Variants in FTCD observed in about 807,000 individuals in gnomAD.
FTCD encodes formimidoyltransferase-cyclodeaminase.
Under a neutral mutation model 62.9 loss-of-function variants are expected in FTCD, and 76 were observed. The observed-to-expected ratio is 1.21, with a 90% CI of 1.00 to 1.46. The LOEUF is 1.46. FTCD is among the 40% of genes most tolerant of loss of function. The probability of loss-of-function intolerance (pLI) is 0.00; values close to 1 mark genes in which losing one functional copy is unlikely to be tolerated. For missense variants in FTCD, 845 were observed against 751.3 expected (o/e 1.12, Z -1.46); for synonymous variants, 397 against 336.9 (o/e 1.18, Z -1.95).
chr21:46,145,617 GA>G, intron 9 of FTCD, 39 bp from the exon 10 acceptor site: 4 of 1,484,024 alleles, frequency 2.7e-6, no homozygotes, highest in Non-Finnish European at 3.6e-6. Context: ...AGGGACCCCA[GA>G]CGGCCCGGGA....
At chr21:46,136,468 T>C, downstream of FTCD, 2 of 1,612,646 alleles carry the variant, frequency 1.2e-6, no homozygotes, top group Non-Finnish European at 1.7e-6. Flanking sequence ...CCTTCCAGCG[T>C]CGAAGGTCCT....
In FTCD at chr21:46,145,914, G is replaced by A; in HGVS notation, c.1002C>T (p.Gly334=). ...AGGCGCGCAGGGACTTGCTGCCCAGGCCTCGCTCAGGCCCGCGCTCAGGGA... is the reference window on the plus strand; with the variant it reads ...AGGCGCGCAGGGACTTGCTGCCCAGACCTCGCTCAGGCCCGCGCTCAGGGA... ...YLVPERGPER[G]LGSKSLRAFV... is the part of the protein sequence containing the mutation. The change falls in exon 9 of 14, where the codon GGC becomes GGT. Residue 334 remains glycine (G), a synonymous_variant. Transcript: ENST00000397746. 1 of 1,501,510 alleles carries A rather than the reference G, an allele frequency of 6.7e-7. No individual in the cohort carries two copies. The highest frequency in any genetic ancestry group is 8.8e-7 in the Non-Finnish European group (1 of 1,132,482). The allele number at this position is 1,501,510 out of a possible 1,614,324, so 93.0% of individuals were successfully genotyped here. A position where few individuals can be genotyped will look rare whatever the true frequency, so the allele number is the denominator to read the frequency against.
intron 2 of FTCD, among the ~76,000 whole-genome samples, chr21:46,153,935 G>T: frequency 6.6e-6 from 1 of 152,166 alleles, no homozygotes; most frequent in East Asian, 1.9e-4. Context: ...GGAGCGTGGC[G>T]ACCTGGGGGT....
rs911364543 is a variant in FTCD, at chr21:46,151,662, C to A, written c.532G>T (p.Ala178Ser). The change falls in exon 5 of 14, where the codon GCG becomes TCG. Residue 178 changes from alanine to serine, a missense_variant. Physicochemically the swap from Ala to Ser is moderately conservative, Grantham distance 99. Transcript: ENST00000397746. ...TTAAAAGCAATGAGGAACTTCCTCG[C>A]CCCCGTGGCCGTGGCCCCCCAACTG... ...VPSWGATATG[A>S]RKFLIAFNIN... 1.3e-5 allele frequency: 21 copies of A among 1,612,860 alleles called. No individual in the cohort carries two copies. In the Admixed American group the frequency reaches 3.2e-4, roughly 24 times the overall value.
intron 2 of FTCD, among the ~76,000 whole-genome samples, chr21:46,153,720 A>G (rs2079360062): frequency 6.6e-6 from 1 of 152,180 alleles, no homozygotes. Flanking sequence ...GTGTGTCCAC[A>G]CACCTTTGGC....
chr21:46,145,866 G>C lies in FTCD; in HGVS notation c.1050C>G (p.Arg350=), dbSNP rs138803850. 5.2e-3 allele frequency: 6,623 copies of C among 1,276,756 alleles called. 283 individuals are homozygous for C. The African/African-American group carries it at 0.13, about 24-fold the overall frequency. 79.1% of individuals were successfully genotyped at this position (1,276,756 alleles called of 1,614,324 possible). ...LRAFVGEVGA[R]SAAPGGGSVA... is the part of the protein sequence containing the mutation. ...CCGAGCCGCCCCCGGGGGCCGCAGAGCGGGCACCCACCTCCCCCACGAAGG... is the reference window on the plus strand; with the variant it reads ...CCGAGCCGCCCCCGGGGGCCGCAGACCGGGCACCCACCTCCCCCACGAAGG... The change falls in exon 9 of 14, where the codon CGC becomes CGG. Residue 350 remains arginine (R), a synonymous_variant. Transcript: ENST00000397746.
intron 2 of FTCD, 43 bp downstream of exon 2, chr21:46,154,106 C>T (rs2079370620): frequency 1.2e-6 from 2 of 1,600,072 alleles, no homozygotes; most frequent in African/African-American, 1.3e-5. Context: ...TCGGCCCTGA[C>T]ATTCTGAGAC....
chr21:46,138,553 C>A lies in FTCD; in HGVS notation c.1398G>T (p.Gln466His). The change falls in exon 12 of 14, where the codon CAG (glutamine) becomes CAT (histidine). Residue 466 changes from glutamine to histidine, a missense_variant. Gln to His is a conservative substitution (Grantham distance 24). Coordinates refer to ENST00000397746, the MANE Select transcript of FTCD (RefSeq NM_206965.2). ...CCAGGTTCCCACACCGGGCCAGTTC[C>A]TGCAGGGCCGGCCACAGCGAGGCCA... Reference protein sequence around the residue: ...ETVASLWPALQELARCGNLAC... With the variant: ...ETVASLWPALHELARCGNLAC... The A allele has an allele frequency of 1.3e-6, 2 of 1,587,360 alleles. No individual in the cohort carries two copies. The highest frequency in any genetic ancestry group is 1.7e-6 in the Non-Finnish European group (2 of 1,173,734).
chr21:46,138,234 G>C (rs751108356), intron 12 of FTCD, among the ~76,000 whole-genome samples: 3 of 152,194 alleles, frequency 2.0e-5, no homozygotes, highest in African/African-American at 7.2e-5. Flanking sequence ...GGTGATACAA[G>C]GGGTCTTGGG....
chr21:46,146,942 G>C (rs1400541803), intron 7 of FTCD: 1 of 152,840 alleles, frequency 6.5e-6, no homozygotes, highest in Non-Finnish European at 1.5e-5. Flanking sequence ...CCGTGGCATA[G>C]AACCAGCAAG....
At chr21:46,152,662 G>A (rs2079320286) in intron 3 of FTCD, 2 of 454,362 alleles carry the variant, frequency 4.4e-6, no homozygotes, top group Non-Finnish European at 7.8e-6. Flanking sequence ...TGGACTTTAA[G>A]GCTCTTGGTT....
intron 10 of FTCD, among the ~76,000 whole-genome samples, chr21:46,139,940 T>C (rs1488983569): frequency 6.6e-6 from 1 of 152,186 alleles, no homozygotes; most frequent in Non-Finnish European, 1.5e-5. Flanking sequence ...GGGTGTGCTT[T>C]AGGTGGCCTC....
At chr21:46,145,299 G>A (rs2079113171) in intron 10 of FTCD, 118 bp downstream of exon 10, 1 of 819,690 alleles carries the variant, frequency 1.2e-6, no homozygotes, top group South Asian at 1.7e-5. Context: ...GACGCCCTCA[G>A]GCCCCTCCTG....
chr21:46,142,710 C>A (rs550418093), intron 10 of FTCD: 3 of 152,288 alleles, frequency 2.0e-5, no homozygotes, highest in Non-Finnish European at 2.9e-5. Flanking sequence ...ACGGTTGGCG[C>A]TTGCTGGTTT....
chr21:46,136,384 G>C, downstream of FTCD: 1 of 1,547,644 alleles, frequency 6.5e-7, no homozygotes, highest in Non-Finnish European at 8.9e-7. Flanking sequence ...GACGGGAACT[G>C]AGGACAGGGC....
chr21:46,152,852 T>C, intron 3 of FTCD, 55 bp downstream of exon 3: 1 of 1,317,648 alleles, frequency 7.6e-7, no homozygotes, highest in Non-Finnish European at 1.0e-6. Context: ...AAGGAGCCAA[T>C]AACCCACACC....
chr21:46,142,151 C>T (rs1030200477), intron 10 of FTCD: 9 of 152,292 alleles, frequency 5.9e-5, no homozygotes, highest in South Asian at 2.1e-4. Flanking sequence ...AGCGTCTACA[C>T]CTCCCTGCAA....
chr21:46,154,203 C>A lies in FTCD; in HGVS notation c.184G>T (p.Ala62Ser). ...VGPPECVVEG[A>S]LNAARVASRL... ...GAAGCTACCCGGGCAGCGTTGAGGG[C>A]CCCCTCCACCACGCACTCCGGCGGC... The change falls in exon 2 of 14, where the codon GCC becomes TCC. Residue 62 changes from alanine to serine, a missense_variant. Transcript: ENST00000397746. 4 of 1,612,812 alleles carry A rather than the reference C, an allele frequency of 2.5e-6. No individual in the cohort carries two copies. The South Asian group carries it at 3.3e-5, about 13-fold the overall frequency.
intron 3 of FTCD, chr21:46,152,502 G>A (rs922515811): frequency 4.0e-5 from 8 of 198,884 alleles, no homozygotes; most frequent in Non-Finnish European, 6.1e-5. Context: ...TGTGACCTAC[G>A]TCCCTGCCTC....
Sources: allele counts gnomAD v4.1 joint callset (sites outside exome capture counted in the v4.1 genomes callset), GRCh38; gene constraint gnomAD v4.1.1; transcripts MANE v1.5; gene names NCBI Gene and HGNC (gene_info 2026-07-23, HGNC 2026-07-21).